The following CCSER1 variants were observed in gnomAD, a reference collection of about 807,000 sequenced individuals.
CCSER1 encodes coiled-coil serine rich protein 1.
Under a neutral mutation model 82.0 loss-of-function variants are expected in CCSER1, and 41 were observed. That is an observed-to-expected ratio of 0.50 (90% confidence interval 0.39 to 0.65). The LOEUF (loss-of-function observed/expected upper bound fraction) is 0.65. CCSER1 is among the 30% of genes least tolerant of loss of function. The pLI is 0.00. For synonymous variants in CCSER1, 414 were observed against 383.9 expected, an observed-to-expected ratio of 1.08 and a Z score of -0.92; for missense variants, 1,119 against 1,064.2, an observed-to-expected ratio of 1.05 and a Z score of -0.72.
intron 1 of CCSER1, among the ~76,000 whole-genome samples, chr4:90,148,277 T>G (rs1162864983): frequency 6.6e-6 from 1 of 152,198 alleles, no homozygotes; most frequent in Non-Finnish European, 1.5e-5. Flanking sequence ...AATAAACACA[T>G]GTGCATAAGA....
At chr4:91,458,376 A>C (rs765577940) in intron 10 of CCSER1, among the ~76,000 whole-genome samples, 1 of 152,092 alleles carries the variant, frequency 6.6e-6, no homozygotes, top group East Asian at 1.9e-4. Flanking sequence ...CCATTGGTCT[A>C]TGTGTCTATC....
chr4:90,671,878 A>G (rs895608978), intron 6 of CCSER1, among the ~76,000 whole-genome samples: 2 of 152,084 alleles, frequency 1.3e-5, no homozygotes, highest in Admixed American at 6.6e-5. Context: ...ATTAGAAGAC[A>G]TAAAAACAAC....
intron 6 of CCSER1, among the ~76,000 whole-genome samples, chr4:90,670,538 T>A (rs755065492): frequency 2.8e-4 from 42 of 152,104 alleles, no homozygotes; most frequent in Non-Finnish European, 5.6e-4. Context: ...AGGTTAGCAA[T>A]CTGTTAGGGG....
intron 9 of CCSER1, among the ~76,000 whole-genome samples, chr4:91,065,368 T>A (rs1720695893): frequency 6.6e-6 from 1 of 152,126 alleles, no homozygotes; most frequent in African/African-American, 2.4e-5. Context: ...AAAACAGTGA[T>A]GTACATTATT....
intron 1 of CCSER1, among the ~76,000 whole-genome samples, chr4:90,261,420 T>C (rs1724314178): frequency 6.6e-6 from 1 of 152,198 alleles, no homozygotes; most frequent in Non-Finnish European, 1.5e-5. Context: ...AGGCTAAAGA[T>C]AGGAACTCAG....
chr4:90,485,888 T>G (rs2904360), intron 5 of CCSER1, among the ~76,000 whole-genome samples: 1 of 152,152 alleles, frequency 6.6e-6, no homozygotes, highest in Non-Finnish European at 1.5e-5. Flanking sequence ...TTTTTATTTT[T>G]TGTTTTGTTT....
chr4:90,995,905 A>C (rs79020209), intron 9 of CCSER1, among the ~76,000 whole-genome samples: 3,925 of 152,160 alleles, frequency 0.026, 148 homozygotes, highest in African/African-American at 0.085. Context: ...ATTTGATTTA[A>C]CTATACAGAT....
At position 90,825,351 on chromosome 4, in the gene CCSER1, C is replaced by T. The variant is rs554116357; in HGVS notation, c.2094+9506C>T. ...AATTTATTATATAAGCTATGTCATA[C>T]AATTTACAAACTATCTTCTTTATTT... On this transcript the variant is annotated intron_variant, in intron 8 of 10. Coordinates refer to ENST00000509176, the MANE Select transcript of CCSER1 (RefSeq NM_001145065.2). Among the ~76,000 whole-genome samples the T allele has an allele frequency of 2.0e-3, 297 of 152,256 alleles. 2 individuals are homozygous for T. Among genetic ancestry groups the T allele is most frequent in the Admixed American group, 3.9e-3 (60 of 15,298 alleles).
intron 6 of CCSER1, among the ~76,000 whole-genome samples, chr4:90,657,898 G>T (rs931200632): frequency 6.6e-6 from 1 of 152,172 alleles, no homozygotes; most frequent in African/African-American, 2.4e-5. Context: ...GAGGCCAGAA[G>T]TTCAAGACCA....
At chr4:90,919,113 A>AAAG (rs1561363949) in intron 8 of CCSER1, among the ~76,000 whole-genome samples, 1 of 140,314 alleles carries the variant, frequency 7.1e-6, no homozygotes, top group African/African-American at 2.7e-5. Flanking sequence ...AAAAAAAAAA[A>AAAG]GGACTTAGTA....
At chr4:90,479,036 C>A (rs1053431409) in intron 5 of CCSER1, among the ~76,000 whole-genome samples, 3 of 151,992 alleles carry the variant, frequency 2.0e-5, no homozygotes, top group Non-Finnish European at 4.4e-5. Context: ...CCCACGCGGG[C>A]CTGTACTTTC....
intron 9 of CCSER1, among the ~76,000 whole-genome samples, chr4:91,058,621 T>C (rs1322340796): frequency 6.6e-6 from 1 of 152,088 alleles, no homozygotes; most frequent in Non-Finnish European, 1.5e-5. Context: ...AGGAGTCTTA[T>C]CCTCCTACTA....
At chr4:91,173,369 C>T (rs915139590) in intron 10 of CCSER1, among the ~76,000 whole-genome samples, 1 of 152,142 alleles carries the variant, frequency 6.6e-6, no homozygotes, top group African/African-American at 2.4e-5. Context: ...CCCAGGTGTG[C>T]GGATCACGAG....
At chr4:90,483,397 G>A (rs1347966041) in intron 5 of CCSER1, among the ~76,000 whole-genome samples, 1 of 152,172 alleles carries the variant, frequency 6.6e-6, no homozygotes, top group Non-Finnish European at 1.5e-5. Context: ...TGTCATGTGT[G>A]AATTTGATCC....
intron 8 of CCSER1, among the ~76,000 whole-genome samples, chr4:90,830,156 C>T (rs1760954626): frequency 6.6e-6 from 1 of 152,160 alleles, no homozygotes; most frequent in African/African-American, 2.4e-5. Flanking sequence ...ACCTCTCCTG[C>T]TCCGCTCATG....
chr4:90,579,516 A>C (rs1781174239), intron 5 of CCSER1, among the ~76,000 whole-genome samples: 1 of 152,192 alleles, frequency 6.6e-6, no homozygotes, highest in South Asian at 2.1e-4. Context: ...CCATTTAGAC[A>C]ATTAACATAT....
At chr4:91,161,521 C>A (rs1336563693) in intron 10 of CCSER1, among the ~76,000 whole-genome samples, 1 of 152,128 alleles carries the variant, frequency 6.6e-6, no homozygotes, top group South Asian at 2.1e-4. Context: ...GATATTGATT[C>A]TTGCTGTACA....
At chr4:91,407,193 A>G (rs1752751679) in intron 10 of CCSER1, among the ~76,000 whole-genome samples, 1 of 152,210 alleles carries the variant, frequency 6.6e-6, no homozygotes, top group African/African-American at 2.4e-5. Flanking sequence ...GCTAGAAGGA[A>G]TAAAATAAGT....
At chr4:90,706,106 A>G (rs887619299) in intron 6 of CCSER1, among the ~76,000 whole-genome samples, 3 of 152,176 alleles carry the variant, frequency 2.0e-5, no homozygotes, top group African/African-American at 7.2e-5. Context: ...CTATTCAGCC[A>G]TCTTGGAACC....
Sources: gnomAD v4.1 joint callset for allele counts (sites outside exome capture counted in the v4.1 genomes callset) on GRCh38, gnomAD v4.1.1 for gene constraint, MANE v1.5 for transcripts, NCBI Gene and HGNC (gene_info 2026-07-23, HGNC 2026-07-21) for gene names.